Variants in DTNB observed in about 807,000 individuals in gnomAD.
The protein encoded by DTNB is DTN-B.
DTNB carries 63 observed loss-of-function variants against 90.7 expected under a neutral mutation model. That is an observed-to-expected ratio of 0.69 (90% CI 0.57 to 0.86). The LOEUF is 0.86. Ranked by LOEUF, DTNB falls within the 40% of genes least tolerant of loss-of-function variation. DTNB has a pLI of 0.00. For synonymous variants in DTNB, 277 were observed against 286.7 expected (o/e 0.97, Z 0.34); for missense variants, 744 against 807.1 (o/e 0.92, Z 0.95).
At chr2:25,513,355 A>G (rs2074332263) in intron 9 of DTNB, among the ~76,000 whole-genome samples, 1 of 152,230 alleles carries the variant, frequency 6.6e-6, no homozygotes, top group African/African-American at 2.4e-5. Flanking sequence ...AAGGATTTTT[A>G]AAACAATCAT....
At chr2:25,536,067 C>A (rs189004993) in intron 8 of DTNB, among the ~76,000 whole-genome samples, 1 of 140,062 alleles carries the variant, frequency 7.1e-6, no homozygotes. Context: ...TCCTCCCAGA[C>A]GGGGCGGCTG....
chr2:25,526,383 ATATATATATATATTTT>A (rs1467919353), intron 9 of DTNB, among the ~76,000 whole-genome samples: 5 of 53,112 alleles, frequency 9.4e-5, no homozygotes, highest in African/African-American at 5.5e-4. Flanking sequence ...ATATATATAT[ATATATATATATATTTT>A]TTTTTTTTTA....
At chr2:25,378,960 G>A (rs531680023) in intron 20 of DTNB, among the ~76,000 whole-genome samples, 1 of 152,330 alleles carries the variant, frequency 6.6e-6, no homozygotes, top group Non-Finnish European at 1.5e-5. Flanking sequence ...ATGGGAGGCA[G>A]TGCTCCCCAG....
intron 5 of DTNB, among the ~76,000 whole-genome samples, chr2:25,601,109 A>G (rs2065789156): frequency 6.6e-6 from 1 of 152,230 alleles, no homozygotes; most frequent in Admixed American, 6.5e-5. Context: ...ATCTTAAATG[A>G]AGTTTAACAA....
intron 14 of DTNB, 182 bp from the exon 15 acceptor site, chr2:25,427,813 CTGAGAA>C: frequency 2.0e-6 from 1 of 503,532 alleles, no homozygotes; most frequent in Non-Finnish European, 3.5e-6. Flanking sequence ...CTGGACTGTT[CTGAGAA>C]TAATAGGTAA....
chr2:25,421,211 C>T (rs916504750), intron 15 of DTNB: 2 of 152,132 alleles, frequency 1.3e-5, no homozygotes, highest in African/African-American at 4.8e-5. Context: ...AAAGGAATTA[C>T]GAAAGGGAGA....
chr2:25,408,562 A>AAAAAAAAAAAAAAAAC, intron 16 of DTNB, among the ~76,000 whole-genome samples: 1 of 151,162 alleles, frequency 6.6e-6, no homozygotes, highest in Non-Finnish European at 1.5e-5. Context: ...AAAAAAAAAA[A>AAAAAAAAAAAAAAAAC]AGCACCACTT....
At chr2:25,383,509 G>A (rs1314191839) in intron 19 of DTNB, among the ~76,000 whole-genome samples, 2 of 152,202 alleles carry the variant, frequency 1.3e-5, no homozygotes, top group East Asian at 1.9e-4. Context: ...GTGAGCCACC[G>A]CACCTGGCCT....
chr2:25,623,966 G>C (rs542760684), intron 4 of DTNB, among the ~76,000 whole-genome samples: 28 of 152,186 alleles, frequency 1.8e-4, no homozygotes, highest in Non-Finnish European at 3.2e-4. Flanking sequence ...ATGATGGGAA[G>C]CTGGGGATGG....
At chr2:25,438,021 C>T (rs2056403732) in intron 12 of DTNB, among the ~76,000 whole-genome samples, 1 of 152,132 alleles carries the variant, frequency 6.6e-6, no homozygotes, top group Admixed American at 6.5e-5. Context: ...AAAGGGCTCT[C>T]AGAGACTCAA....
In DTNB at chr2:25,619,600, G is replaced by A. The variant is rs74927240; in HGVS notation, c.362+8571C>T. ...TATAAAGCAGAATCTCTGCTCTCAC[G>A]GACATCCATTCCATTTTGAACACTT... On this transcript the variant is annotated intron_variant, in intron 4 of 20. Coordinates refer to ENST00000406818, the MANE Select transcript of DTNB (RefSeq NM_021907.5). 7.0e-3 allele frequency among the ~76,000 whole-genome samples: 1,067 copies of A among 152,178 alleles called. 15 individuals carry two copies. The highest frequency in any genetic ancestry group is 0.025 in the African/African-American group (1,019 of 41,512).
intron 5 of DTNB, among the ~76,000 whole-genome samples, chr2:25,605,321 T>G (rs1234962661): frequency 2.0e-5 from 3 of 152,360 alleles, no homozygotes; most frequent in African/African-American, 7.2e-5. Flanking sequence ...TTGCAATGAC[T>G]TGGGGTCCTG....
In DTNB at chr2:25,511,984, A is replaced by C. The variant is rs1380051296; in HGVS notation, c.1001+19489T>G. Among the ~76,000 whole-genome samples the C allele has an allele frequency of 3.3e-5, 5 of 152,216 alleles. No homozygotes were observed. In the East Asian group the frequency reaches 7.7e-4, roughly 23 times the overall value. On this transcript the variant is annotated intron_variant, in intron 9 of 20. Transcript: ENST00000406818. ...TAAAAAAGTGAAAAACCAAGGATGT[A>C]GATTATTCAATACAATTTAACTGAA...
chr2:25,592,019 C>A (rs934413386), intron 6 of DTNB, among the ~76,000 whole-genome samples: 3 of 144,790 alleles, frequency 2.1e-5, no homozygotes, highest in Non-Finnish European at 4.5e-5. Context: ...CAAGATTGCA[C>A]CAATGTACTC....
At chr2:25,540,705 T>C (rs2081020871) in intron 8 of DTNB, among the ~76,000 whole-genome samples, 1 of 152,084 alleles carries the variant, frequency 6.6e-6, no homozygotes, top group Non-Finnish European at 1.5e-5. Flanking sequence ...TAAGAAAAAT[T>C]CTTCTGCCTT....
At chr2:25,400,154 TAAATA>T (rs1350613810) in intron 16 of DTNB, among the ~76,000 whole-genome samples, 4 of 152,232 alleles carry the variant, frequency 2.6e-5, no homozygotes, top group African/African-American at 9.6e-5. Context: ...TCCTTCTAAC[TAAATA>T]AGTACAAACT....
rs773076424 is a variant in DTNB at position 25,505,694 on chromosome 2, T to C, written c.1002-22821A>G. Among the ~76,000 whole-genome samples, 62 of 152,202 alleles carry C rather than the reference T, an allele frequency of 4.1e-4. 1 individual carries two copies. The highest frequency in any genetic ancestry group is 7.2e-4 in the Non-Finnish European group (49 of 68,044). ...TCTCCTACTAAACCTTATTTCTCTC[T>C]TTCCTCCTACAACTACTGATAAAAT... On this transcript the variant is annotated intron_variant, in intron 9 of 20. Coordinates refer to ENST00000406818, the MANE Select transcript of DTNB (RefSeq NM_021907.5).
chr2:25,477,344 A>T lies in DTNB; in HGVS notation c.1079+5452T>A, dbSNP rs556569427. ...CGTGTCTCTGAGGTATGCGTGTACT[A>T]TTATATTAACTCATCTCTTAATTTG... On this transcript the variant is annotated intron_variant, in intron 10 of 20. Coordinates refer to ENST00000406818, the MANE Select transcript of DTNB (RefSeq NM_021907.5). Among the ~76,000 whole-genome samples the T allele has an allele frequency of 5.7e-4, 87 of 152,316 alleles. 1 individual carries two copies. The highest frequency in any genetic ancestry group is 7.1e-4 in the Non-Finnish European group (48 of 68,030).
chr2:25,612,176 G>T (rs958364490), intron 4 of DTNB, among the ~76,000 whole-genome samples: 5 of 152,040 alleles, frequency 3.3e-5, no homozygotes, highest in African/African-American at 1.2e-4. Context: ...TAATAGTGAA[G>T]ACTGCTATCA....
Sources: allele counts gnomAD v4.1 joint callset (sites outside exome capture counted in the v4.1 genomes callset), GRCh38; gene constraint gnomAD v4.1.1; transcripts MANE v1.5; gene names NCBI Gene and HGNC (gene_info 2026-07-23, HGNC 2026-07-21).